Variants in RFT1 observed in about 807,000 individuals in gnomAD.
RFT1 encodes man(5)GlcNAc(2)-PP-dolichol translocation protein RFT1.
A neutral mutation model predicts 62.2 loss-of-function variants in RFT1; 43 were observed. That is an observed-to-expected ratio of 0.69 (90% CI 0.54 to 0.89). The LOEUF is 0.89. Among genes scored for constraint, RFT1 ranks in the 40% least tolerant of loss-of-function variants. The probability of loss-of-function intolerance (pLI) is 0.00; values close to 1 mark genes in which losing one functional copy is unlikely to be tolerated. For synonymous variants in RFT1, 262 were observed against 264.6 expected, an observed-to-expected ratio of 0.99 and a Z score of 0.10; for missense variants, 605 against 649.9, an observed-to-expected ratio of 0.93 and a Z score of 0.75.
At chr3:53,113,142 A>G (rs372961056) in intron 6 of RFT1, among the ~76,000 whole-genome samples, 1 of 152,150 alleles carries the variant, frequency 6.6e-6, no homozygotes, top group African/African-American at 2.4e-5. Flanking sequence ...CAGCCTCCAG[A>G]ATAGCCGGGA....
intron 9 of RFT1, among the ~76,000 whole-genome samples, chr3:53,105,420 C>G (rs1326506298): frequency 8.0e-6 from 1 of 124,352 alleles, no homozygotes; most frequent in Non-Finnish European, 1.8e-5. Context: ...TCCCCGCCCC[C>G]CCCCCCAAAA....
chr3:53,096,003 G>A (rs1008500710), intron 11 of RFT1, among the ~76,000 whole-genome samples: 3 of 152,196 alleles, frequency 2.0e-5, no homozygotes, highest in African/African-American at 7.2e-5. Context: ...CTGCCTAGAA[G>A]TCTCTGCCCC....
chr3:53,104,734 GA>G (rs1701417166), intron 9 of RFT1, among the ~76,000 whole-genome samples: 1 of 152,234 alleles, frequency 6.6e-6, no homozygotes, highest in Non-Finnish European at 1.5e-5. Context: ...AGACAAGCAA[GA>G]GGCTGAACTA....
intron 2 of RFT1, among the ~76,000 whole-genome samples, chr3:53,124,554 G>A (rs2107170166): frequency 6.6e-6 from 1 of 152,268 alleles, no homozygotes. Flanking sequence ...AGGGGAGCAG[G>A]GCAGGCCAGA....
chr3:53,103,731 T>C, intron 10 of RFT1: 3 of 581,400 alleles, frequency 5.2e-6, no homozygotes, highest in Non-Finnish European at 9.3e-6. Flanking sequence ...CTTCTCCAAG[T>C]GAGGCTGGGG....
At chr3:53,116,753 C>T (rs185994205) in intron 6 of RFT1, among the ~76,000 whole-genome samples, 91 of 152,264 alleles carry the variant, frequency 6.0e-4, no homozygotes, top group Non-Finnish European at 1.1e-3. Context: ...AGGCGCATGC[C>T]ACCATGCCCA....
intron 7 of RFT1, among the ~76,000 whole-genome samples, chr3:53,111,150 G>A (rs1044813518): frequency 5.9e-5 from 9 of 152,146 alleles, no homozygotes; most frequent in African/African-American, 1.7e-4. Flanking sequence ...GTGGTGGCTC[G>A]CGCCTGTAAT....
rs772810631 is a variant in RFT1 at position 53,120,011 on chromosome 3, G to A, written c.569C>T (p.Thr190Ile). 2 of 1,594,090 alleles carry A rather than the reference G, an allele frequency of 1.3e-6. No individual in the cohort carries two copies. The highest frequency in any genetic ancestry group is 2.2e-5 in the East Asian group (1 of 44,714). The change falls in exon 6 of 13, where the codon ACC becomes ATC. Residue 190 changes from threonine (T) to isoleucine (I), a missense_variant. Physicochemically the swap from Thr to Ile is moderately conservative, Grantham distance 89. Transcript: ENST00000296292. ...YIFSLAQLFY[T>I]TVLVLCYVIY... ...AACATAGCAGAGCACCAGAACTGTGGTATAGAAAAGCTGAGAAAAAAAATA... is the reference window on the plus strand; with the variant it reads ...AACATAGCAGAGCACCAGAACTGTGATATAGAAAAGCTGAGAAAAAAAATA...
intron 6 of RFT1, among the ~76,000 whole-genome samples, chr3:53,113,063 T>A (rs149567542): frequency 6.6e-6 from 1 of 152,302 alleles, no homozygotes; most frequent in East Asian, 1.9e-4. Flanking sequence ...TCACCCAGGT[T>A]GGAATGCAGT....
At chr3:53,106,930 T>C (rs945967325) in intron 7 of RFT1, 61 bp from the exon 8 acceptor site, 11 of 1,281,044 alleles carry the variant, frequency 8.6e-6, no homozygotes, top group Non-Finnish European at 1.2e-5. Context: ...ATTGTTTCCT[T>C]TCTCTCACCA....
chr3:53,075,193 A>G, the RFT1 span, among the ~76,000 whole-genome samples: 11 of 152,230 alleles, frequency 7.2e-5, no homozygotes, highest in African/African-American at 2.6e-4. Flanking sequence ...GTCCTGGGCA[A>G]TTTGGTGTTG....
At chr3:53,067,252 G>A in the RFT1 span, among the ~76,000 whole-genome samples, 1 of 152,236 alleles carries the variant, frequency 6.6e-6, no homozygotes, top group Non-Finnish European at 1.5e-5. Context: ...GGGAGGCTGA[G>A]GTGGGAGAAT....
chr3:53,073,777 G>C, the RFT1 span, among the ~76,000 whole-genome samples: 1 of 152,196 alleles, frequency 6.6e-6, no homozygotes, highest in Non-Finnish European at 1.5e-5. Context: ...GTTGTGCACA[G>C]AGCCAGTATA....
intron 11 of RFT1, among the ~76,000 whole-genome samples, chr3:53,093,422 G>A (rs1043457648): frequency 6.6e-6 from 1 of 152,196 alleles, no homozygotes; most frequent in Admixed American, 6.5e-5. Flanking sequence ...CGAAATAGCT[G>A]CCATAGTCCT....
the RFT1 span, among the ~76,000 whole-genome samples, chr3:53,077,019 G>A: frequency 3.2e-4 from 48 of 152,076 alleles, 1 homozygote; most frequent in South Asian, 9.8e-3. Flanking sequence ...AGGGGAATCA[G>A]TATTTCCAGC....
the RFT1 span, among the ~76,000 whole-genome samples, chr3:53,068,860 T>G: frequency 6.6e-6 from 1 of 152,238 alleles, no homozygotes; most frequent in South Asian, 2.1e-4. Context: ...TGGTTTTCAC[T>G]TTGAGCACAA....
intron 1 of RFT1, among the ~76,000 whole-genome samples, chr3:53,128,017 T>A (rs922032991): frequency 2.0e-5 from 3 of 151,004 alleles, no homozygotes; most frequent in African/African-American, 7.3e-5. Flanking sequence ...AAAAAAAAAA[T>A]CCGAGCGCGG....
rs1210058548 is a variant in RFT1, at chr3:53,122,466, C to T, written c.364G>A (p.Gly122Arg). The T allele has an allele frequency of 6.2e-7, 1 of 1,614,096 alleles. No homozygotes were observed. The highest frequency in any genetic ancestry group is 8.5e-7 in the Non-Finnish European group (1 of 1,180,012). The change falls in exon 4 of 13, where the codon GGA becomes AGA. Residue 122 changes from glycine to arginine, a missense_variant. Physicochemically the swap from Gly to Arg is moderately radical, Grantham distance 125. Coordinates refer to ENST00000296292, the MANE Select transcript of RFT1 (RefSeq NM_052859.4). ...GCCGAGAGACCAAACAGCACCACTC[C>T]AGTTGCATAGTGAGGGACAACATTA... Reference protein sequence around the residue: ...DPNVVPHYATGVVLFGLSAVV... With the variant: ...DPNVVPHYATRVVLFGLSAVV...
intron 9 of RFT1, 151 bp downstream of exon 9, chr3:53,105,522 G>C (rs1701444276): frequency 1.1e-6 from 1 of 941,970 alleles, no homozygotes; most frequent in Non-Finnish European, 1.7e-6. Flanking sequence ...GTGAGCCCTG[G>C]GTCCCACTAT....
Sources: gnomAD v4.1 joint callset for allele counts (sites outside exome capture counted in the v4.1 genomes callset) on GRCh38, gnomAD v4.1.1 for gene constraint, MANE v1.5 for transcripts, NCBI Gene and HGNC (gene_info 2026-07-23, HGNC 2026-07-21) for gene names.